The following ERC1 variants were observed in gnomAD, a reference collection of about 807,000 sequenced individuals.
ERC1 encodes ELKS/RAB6-interacting/CAST family member 1, also known as RAB6 interacting protein 2.
A neutral mutation model predicts 132.0 loss-of-function variants in ERC1; 56 were observed. The ratio of observed to expected loss-of-function variants is 0.42; its 90% confidence interval spans 0.34 to 0.53. ERC1 has a LOEUF of 0.53. Among genes scored for constraint, ERC1 ranks in the 20% least tolerant of loss-of-function variants. The probability of loss-of-function intolerance (pLI) is 0.03; values close to 1 mark genes in which losing one functional copy is unlikely to be tolerated. For missense variants in ERC1, 1,202 were observed against 1,349.9 expected, an observed-to-expected ratio of 0.89 and a Z score of 1.72; for synonymous variants, 478 against 476.1, an observed-to-expected ratio of 1.00 and a Z score of -0.05.
intron 7 of ERC1, among the ~76,000 whole-genome samples, chr12:1,138,218 A>AT (rs1949524693): frequency 1.8e-5 from 2 of 112,850 alleles, no homozygotes; most frequent in Admixed American, 9.7e-5. Context: ...ATATTATATA[A>AT]TATATATCAT....
At chr12:1,271,618 A>G (rs537141044) in intron 14 of ERC1, among the ~76,000 whole-genome samples, 1 of 152,352 alleles carries the variant, frequency 6.6e-6, no homozygotes, top group Non-Finnish European at 1.5e-5. Flanking sequence ...AGCTATTTAC[A>G]GGCATGATTA....
intron 15 of ERC1, among the ~76,000 whole-genome samples, chr12:1,325,156 G>A (rs1333511653): frequency 1.3e-5 from 2 of 152,172 alleles, no homozygotes; most frequent in East Asian, 1.9e-4. Context: ...TCGGTTTTAG[G>A]CAGAACATGG....
chr12:1,073,598 G>A (rs529137671), intron 2 of ERC1, among the ~76,000 whole-genome samples: 3 of 151,786 alleles, frequency 2.0e-5, no homozygotes, highest in South Asian at 2.1e-4. Context: ...GCAGTGAGCC[G>A]AGATCACACC....
At chr12:1,115,640 A>G (rs1946361988) in intron 6 of ERC1, 3 of 429,982 alleles carry the variant, frequency 7.0e-6, no homozygotes, top group Non-Finnish European at 1.2e-5. Flanking sequence ...AAGACACAAT[A>G]AATGAAAACT....
chr12:1,080,801 A>G (rs1451855951), intron 2 of ERC1, among the ~76,000 whole-genome samples: 1 of 152,096 alleles, frequency 6.6e-6, no homozygotes, highest in African/African-American at 2.4e-5. Flanking sequence ...CTTTTGCCTC[A>G]TACCGTGATT....
intron 12 of ERC1, among the ~76,000 whole-genome samples, chr12:1,195,181 A>G (rs1209432938): frequency 2.0e-5 from 3 of 152,304 alleles, no homozygotes; most frequent in Non-Finnish European, 2.9e-5. Context: ...TGACAAATCT[A>G]TACACTTATG....
chr12:1,329,853 G>C lies in ERC1; in HGVS notation c.2780+39841G>C, dbSNP rs542835915. Among the ~76,000 whole-genome samples the C allele has an allele frequency of 7.9e-5, 12 of 152,310 alleles. No homozygotes were observed. In the South Asian group the frequency reaches 2.5e-3, roughly 32 times the overall value. The stretch of plus-strand genomic sequence containing the variant: ...ATATGTGGAATTTGAAGGAAAGGGA[G>C]GAGTTAAAGATGATTTAAGCTAAAA... On this transcript the variant is annotated intron_variant, in intron 15 of 18. Transcript: ENST00000360905.
At chr12:1,115,162 C>T (rs1329976547) in intron 6 of ERC1, among the ~76,000 whole-genome samples, 6 of 152,046 alleles carry the variant, frequency 3.9e-5, no homozygotes, top group African/African-American at 1.4e-4. Flanking sequence ...ACATGGCTTC[C>T]ATTTAGGGTA....
intron 1 of ERC1, among the ~76,000 whole-genome samples, chr12:1,025,572 A>C (rs1966849784): frequency 6.6e-6 from 1 of 152,036 alleles, no homozygotes; most frequent in East Asian, 1.9e-4. Context: ...ATTCTTCAAA[A>C]TTTTCTTCTA....
chr12:1,273,374 A>G (rs1406238186), intron 14 of ERC1, among the ~76,000 whole-genome samples: 2 of 152,348 alleles, frequency 1.3e-5, no homozygotes, highest in East Asian at 3.9e-4. Context: ...TACGGTTTCT[A>G]AATACTATTC....
intron 12 of ERC1, among the ~76,000 whole-genome samples, chr12:1,225,850 T>A (rs2074535835): frequency 6.6e-6 from 1 of 152,188 alleles, no homozygotes; most frequent in Non-Finnish European, 1.5e-5. Flanking sequence ...CATTTAAATT[T>A]TTTTCTCTCT....
At chr12:1,080,619 C>T (rs1032590678) in intron 2 of ERC1, among the ~76,000 whole-genome samples, 1 of 152,136 alleles carries the variant, frequency 6.6e-6, no homozygotes, top group African/African-American at 2.4e-5. Flanking sequence ...CCATGCTATT[C>T]TCGTGATAGT....
At chr12:1,082,045 T>C (rs963830529) in intron 2 of ERC1, among the ~76,000 whole-genome samples, 1 of 149,148 alleles carries the variant, frequency 6.7e-6, no homozygotes, top group African/African-American at 2.4e-5. Context: ...TTTGTTTGTT[T>C]TGACACGGAG....
chr12:1,098,058 C>G (rs146958922), intron 3 of ERC1, among the ~76,000 whole-genome samples: 5 of 152,258 alleles, frequency 3.3e-5, no homozygotes, highest in African/African-American at 9.6e-5. Context: ...TAATGGGAAC[C>G]TTACTCATTA....
rs563850203 is a variant in ERC1 at position 1,060,175 on chromosome 12, C to CTTTTTTTTTTTTT, written c.670-22979_670-22978insTTTTTTTTTTTTT. Among the ~76,000 whole-genome samples the CTTTTTTTTTTTTT allele has an allele frequency of 2.3e-3, 335 of 144,202 alleles. 5 individuals carry two copies. Among genetic ancestry groups the CTTTTTTTTTTTTT allele is most frequent in the Middle Eastern group, 0.011 (3 of 270 alleles). 94.6% of individuals were successfully genotyped at this position (144,202 alleles called of 152,430 possible). On this transcript the variant is annotated intron_variant, in intron 2 of 18. Transcript: ENST00000360905. ...TCATGGTGGGAGGCAAAGGCCACTT[C>CTTTTTTTTTTTTT]TTTTTTTTTTACTATTATACTTTAA...
At chr12:1,109,975 A>G (rs1945673545) in intron 4 of ERC1, among the ~76,000 whole-genome samples, 1 of 152,214 alleles carries the variant, frequency 6.6e-6, no homozygotes, top group South Asian at 2.1e-4. Context: ...TTGAACCCAG[A>G]GGCAGAGGTT....
chr12:1,363,543 CTTTTTTTTTTTT>C (rs34769986), intron 15 of ERC1, among the ~76,000 whole-genome samples: 11 of 94,344 alleles, frequency 1.2e-4, no homozygotes, highest in South Asian at 7.6e-4. Context: ...TATTTCTTTC[CTTTTTTTTTTTT>C]TTTTTTTTTT....
chr12:1,123,410 A>G (rs1301801584), intron 7 of ERC1, among the ~76,000 whole-genome samples: 1 of 152,198 alleles, frequency 6.6e-6, no homozygotes, highest in Non-Finnish European at 1.5e-5. Flanking sequence ...ATAAGTACTT[A>G]GATCAAAATG....
intron 15 of ERC1, among the ~76,000 whole-genome samples, chr12:1,363,659 A>G (rs1314749197): frequency 6.8e-6 from 1 of 146,920 alleles, no homozygotes; most frequent in East Asian, 2.0e-4. Flanking sequence ...GGCTCAAAGG[A>G]TGCTCCCACC....
Sources: allele counts gnomAD v4.1 joint callset (sites outside exome capture counted in the v4.1 genomes callset), GRCh38; gene constraint gnomAD v4.1.1; transcripts MANE v1.5; gene names NCBI Gene and HGNC (gene_info 2026-07-23, HGNC 2026-07-21).